Variants in FLNB observed in about 807,000 individuals in gnomAD.
FLNB encodes the protein filamin B.
A neutral mutation model predicts 250.6 loss-of-function variants in FLNB; 111 were observed. That is an observed-to-expected ratio of 0.44 (90% CI 0.38 to 0.52). The LOEUF is 0.52. FLNB is among the 20% of genes least tolerant of loss of function. The pLI is 0.00. For synonymous variants in FLNB, 1,302 were observed against 1,372.1 expected, an observed-to-expected ratio of 0.95 and a Z score of 1.13; for missense variants, 2,869 against 3,447.8, an observed-to-expected ratio of 0.83 and a Z score of 4.20.
At chr3:58,102,446 G>A (rs2097252636) in intron 9 of FLNB, 106 bp downstream of exon 9, 2 of 1,301,066 alleles carry the variant, frequency 1.5e-6, no homozygotes, top group African/African-American at 2.9e-5. Context: ...AATCCCAGAA[G>A]GCTATGTCAA....
At chr3:58,138,254 C>A (rs145302322) in intron 28 of FLNB, 28 bp from the exon 29 acceptor site, 2 of 1,610,782 alleles carry the variant, frequency 1.2e-6, no homozygotes, top group African/African-American at 1.4e-5. Flanking sequence ...TCCATACTTC[C>A]ATTCTCTTCC....
rs1197199181 is a variant in FLNB at position 58,109,168 on chromosome 3, C to T, written c.2056-11C>T. ...GGGCCACCTCTGGTCCTAGCTCTGG[C>T]TTTTTTGCAGGATGGGGAAGGCCAA... On this transcript the variant is annotated splice_polypyrimidine_tract_variant and intron_variant, in intron 13 of 45. Coordinates refer to ENST00000295956, the MANE Select transcript of FLNB (RefSeq NM_001457.4). 2 of 1,614,012 alleles carry T rather than the reference C, an allele frequency of 1.2e-6. No homozygotes were observed. The highest frequency in any genetic ancestry group is 2.2e-5 in the East Asian group (1 of 44,900).
chr3:58,148,380 C>G lies in FLNB; in HGVS notation c.5887+16C>G, dbSNP rs781660093. 17 of 1,611,208 alleles carry G rather than the reference C, an allele frequency of 1.1e-5. No homozygotes were observed. In the Admixed American group the frequency reaches 2.0e-4, roughly 19 times the overall value. On this transcript the variant is annotated intron_variant, in intron 35 of 45. Transcript: ENST00000295956. The stretch of plus-strand genomic sequence containing the variant: ...AACCACATTGGTGAGCTAGGCTACC[C>G]TTCCTGGCTGGAGCCAGGACATCTT...
intron 1 of FLNB, among the ~76,000 whole-genome samples, chr3:58,073,061 C>T (rs1055088119): frequency 6.6e-6 from 1 of 152,126 alleles, no homozygotes; most frequent in African/African-American, 2.4e-5. Context: ...CCGGATGAGA[C>T]TTCATAGCTC....
intron 43 of FLNB, among the ~76,000 whole-genome samples, chr3:58,167,925 C>G (rs1040012228): frequency 6.6e-6 from 1 of 152,230 alleles, no homozygotes; most frequent in African/African-American, 2.4e-5. Context: ...AGTGGGTGGG[C>G]TGGCAGGTCA....
chr3:58,075,910 G>T (rs1026746671), intron 1 of FLNB, among the ~76,000 whole-genome samples: 1 of 152,040 alleles, frequency 6.6e-6, no homozygotes, highest in Non-Finnish European at 1.5e-5. Flanking sequence ...CAGGGGGTGC[G>T]GGAGATGGAT....
At chr3:58,155,144 C>T (rs988025862) in intron 40 of FLNB, among the ~76,000 whole-genome samples, 1 of 152,222 alleles carries the variant, frequency 6.6e-6, no homozygotes, top group African/African-American at 2.4e-5. Context: ...CTCCATTAGC[C>T]TCTCTGCTTC....
intron 29 of FLNB, among the ~76,000 whole-genome samples, chr3:58,141,071 G>C (rs1228093010): frequency 6.6e-6 from 1 of 151,848 alleles, no homozygotes; most frequent in African/African-American, 2.4e-5. Context: ...AATACAGTGA[G>C]ACCCCATCTC....
intron 15 of FLNB, 81 bp downstream of exon 15, chr3:58,109,780 G>A: frequency 6.3e-7 from 1 of 1,583,672 alleles, no homozygotes. Context: ...AATGCCTTTT[G>A]AACTAGGAAG....
rs1369286508 is a variant in FLNB, at chr3:58,008,537, TGCGCATTGC to T, written c.-25_-17del. Reference sequence around the variant, plus strand: ...CAAACACCAGTCCCCGGCAGCTCGTTGCGCATTGCGCTCTCCCCGCCACCAGGATGCCGG... The same window carrying T: ...CAAACACCAGTCCCCGGCAGCTCGTTGCTCTCCCCGCCACCAGGATGCCGG... On this transcript the variant is annotated 5_prime_UTR_variant, in exon 1 of 46. Coordinates refer to ENST00000295956, the MANE Select transcript of FLNB (RefSeq NM_001457.4). 6 of 1,564,796 alleles carry T rather than the reference TGCGCATTGC, an allele frequency of 3.8e-6. No individual in the cohort carries two copies. The highest frequency in any genetic ancestry group is 2.3e-4 in the Middle Eastern group (1 of 4,428).
intron 1 of FLNB, among the ~76,000 whole-genome samples, chr3:58,059,553 T>C (rs1368537098): frequency 1.3e-5 from 2 of 152,154 alleles, no homozygotes; most frequent in Non-Finnish European, 2.9e-5. Flanking sequence ...GCCCTGACTG[T>C]GGACTGCGTC....
intron 38 of FLNB, 32 bp from the exon 39 acceptor site, chr3:58,153,343 C>A (rs778366079): frequency 3.1e-6 from 5 of 1,613,920 alleles, no homozygotes; most frequent in Middle Eastern, 1.6e-4. Flanking sequence ...CCCTAACCCT[C>A]TTCTCTCCCC....
chr3:58,042,344 G>C (rs1050944569), intron 1 of FLNB, among the ~76,000 whole-genome samples: 6 of 137,222 alleles, frequency 4.4e-5, no homozygotes, highest in South Asian at 2.2e-4. Flanking sequence ...AGTCTCTGTA[G>C]GTTTTTTTTT....
chr3:58,033,023 A>T (rs839238), intron 1 of FLNB, among the ~76,000 whole-genome samples: 1 of 151,986 alleles, frequency 6.6e-6, no homozygotes, highest in Non-Finnish European at 1.5e-5. Flanking sequence ...CAGTGAGCTG[A>T]GATTGCATGA....
chr3:58,061,733 T>G (rs892461602), intron 1 of FLNB, among the ~76,000 whole-genome samples: 2 of 140,380 alleles, frequency 1.4e-5, no homozygotes, highest in Non-Finnish European at 3.1e-5. Flanking sequence ...AGTGAGACCC[T>G]GTCTCCCCCT....
chr3:58,082,030 C>G (rs1283492025), intron 4 of FLNB, among the ~76,000 whole-genome samples: 1 of 152,140 alleles, frequency 6.6e-6, no homozygotes, highest in African/African-American at 2.4e-5. Flanking sequence ...TAGCCCATTG[C>G]TCCCATTTTT....
chr3:58,114,859 T>A (rs1389960370), intron 18 of FLNB, among the ~76,000 whole-genome samples: 4 of 152,206 alleles, frequency 2.6e-5, no homozygotes, highest in Non-Finnish European at 4.4e-5. Flanking sequence ...CATATTTTCT[T>A]TGGAGAATTA....
chr3:58,138,732 T>A (rs1227800868), intron 29 of FLNB, among the ~76,000 whole-genome samples: 1 of 152,236 alleles, frequency 6.6e-6, no homozygotes, highest in African/African-American at 2.4e-5. Context: ...TTAGGGAATC[T>A]TACTGGCCAC....
At chr3:58,108,431 G>A in intron 12 of FLNB, 27 bp from the exon 13 acceptor site, 1 of 1,474,396 alleles carries the variant, frequency 6.8e-7, no homozygotes, top group Non-Finnish European at 9.5e-7. Context: ...TACACAGAAA[G>A]AGACTTACTA....
Sources: allele counts gnomAD v4.1 joint callset (sites outside exome capture counted in the v4.1 genomes callset), GRCh38; gene constraint gnomAD v4.1.1; transcripts MANE v1.5; gene names NCBI Gene and HGNC (gene_info 2026-07-23, HGNC 2026-07-21).